The following NAALADL2 variants were observed in gnomAD, a reference collection of about 807,000 sequenced individuals.
NAALADL2 encodes N-acetylated alpha-linked acidic dipeptidase like 2.
A neutral mutation model predicts 87.2 loss-of-function variants in NAALADL2; 76 were observed. The ratio of observed to expected loss-of-function variants is 0.87; its 90% CI spans 0.72 to 1.05. The LOEUF (loss-of-function observed/expected upper bound fraction) is 1.05, where lower values mean the gene tolerates loss of function less well. Among genes scored for constraint, NAALADL2 ranks in the 50% least tolerant of loss-of-function variants. The pLI is 0.00. For synonymous variants in NAALADL2, 354 were observed against 331.0 expected (o/e 1.07, Z -0.75); for missense variants, 1,089 against 945.8 (o/e 1.15, Z -1.99).
At chr3:175,268,801 C>G (rs1242809097) in intron 4 of NAALADL2, among the ~76,000 whole-genome samples, 2 of 152,102 alleles carry the variant, frequency 1.3e-5, no homozygotes, top group Non-Finnish European at 2.9e-5. Flanking sequence ...TCACTGTCTT[C>G]CACCTCCATG....
intron 1 of NAALADL2, among the ~76,000 whole-genome samples, chr3:174,526,801 C>A (rs1242415412): frequency 6.6e-6 from 1 of 151,726 alleles, no homozygotes; most frequent in Non-Finnish European, 1.5e-5. Context: ...CTCAACCTCC[C>A]GAGTAACTGG....
At chr3:174,713,648 G>T (rs539843996) in intron 2 of NAALADL2, among the ~76,000 whole-genome samples, 1 of 152,118 alleles carries the variant, frequency 6.6e-6, no homozygotes, top group South Asian at 2.1e-4. Context: ...TTTTGATGGG[G>T]TTGTTTTTTT....
chr3:175,012,201 G>A (rs1253505320), intron 1 of NAALADL2, among the ~76,000 whole-genome samples: 8 of 152,142 alleles, frequency 5.3e-5, no homozygotes, highest in African/African-American at 1.2e-4. Context: ...ATTTGCTCCT[G>A]TTGCCCAAAC....
At chr3:175,343,655 G>GTTTTTTTTTTTTTTTTTT in intron 5 of NAALADL2, among the ~76,000 whole-genome samples, 812 of 64,614 alleles carry the variant, frequency 0.013, 148 homozygotes, top group Non-Finnish European at 0.021. Context: ...TCTTGATCAT[G>GTTTTTTTTTTTTTTTTTT]TTTTTTTTTT....
At chr3:174,520,651 G>T (rs1006551413) in intron 1 of NAALADL2, among the ~76,000 whole-genome samples, 2 of 152,074 alleles carry the variant, frequency 1.3e-5, no homozygotes, top group Non-Finnish European at 1.5e-5. Context: ...CCTAGGCAAA[G>T]AATTTATGAC....
chr3:175,432,332 A>G (rs1441200710), intron 5 of NAALADL2, among the ~76,000 whole-genome samples: 1 of 152,050 alleles, frequency 6.6e-6, no homozygotes, highest in Non-Finnish European at 1.5e-5. Context: ...ATTGTGAAAC[A>G]GAATTTTTCC....
At chr3:175,271,985 A>C (rs968904817) in intron 4 of NAALADL2, among the ~76,000 whole-genome samples, 1 of 152,140 alleles carries the variant, frequency 6.6e-6, no homozygotes, top group African/African-American at 2.4e-5. Flanking sequence ...TTCCTTTTAA[A>C]ATTAATTAGG....
chr3:174,509,073 A>G (rs1243415889), intron 1 of NAALADL2, among the ~76,000 whole-genome samples: 1 of 148,978 alleles, frequency 6.7e-6, no homozygotes, highest in Non-Finnish European at 1.5e-5. Context: ...CTGAAAATAT[A>G]TTTTTTTCCT....
chr3:175,304,616 GGT>G (rs1202778345), intron 4 of NAALADL2, among the ~76,000 whole-genome samples: 1 of 152,004 alleles, frequency 6.6e-6, no homozygotes, highest in Admixed American at 6.6e-5. Flanking sequence ...CAACTCGCAG[GGT>G]GTGCTCAGCA....
At chr3:174,589,857 G>GTT (rs57195579) in intron 2 of NAALADL2, among the ~76,000 whole-genome samples, 1 of 136,422 alleles carries the variant, frequency 7.3e-6, no homozygotes, top group African/African-American at 2.7e-5. Context: ...TTGTTGCTGT[G>GTT]TTTTTTTTTT....
chr3:174,794,796 C>G (rs1717879139), intron 3 of NAALADL2, among the ~76,000 whole-genome samples: 1 of 151,906 alleles, frequency 6.6e-6, no homozygotes, highest in African/African-American at 2.4e-5. Context: ...TAAGATATTG[C>G]TGATCCTTTA....
intron 2 of NAALADL2, among the ~76,000 whole-genome samples, chr3:174,714,475 A>C (rs533211088): frequency 1.5e-4 from 23 of 152,106 alleles, no homozygotes; most frequent in African/African-American, 3.6e-4. Flanking sequence ...CTTTTATTTC[A>C]TTGAGCAGTG....
chr3:175,625,083 G>T (rs1419492454), intron 10 of NAALADL2, among the ~76,000 whole-genome samples: 1 of 151,972 alleles, frequency 6.6e-6, no homozygotes, highest in Non-Finnish European at 1.5e-5. Flanking sequence ...AATCAACCTA[G>T]ATAGAAGTAC....
At chr3:175,569,290 A>T (rs772434539) in intron 9 of NAALADL2, among the ~76,000 whole-genome samples, 9 of 152,244 alleles carry the variant, frequency 5.9e-5, no homozygotes, top group Non-Finnish European at 1.0e-4. Flanking sequence ...CCAGCTAATC[A>T]AATAACACAA....
At chr3:175,343,389 T>C (rs1762765189) in intron 5 of NAALADL2, among the ~76,000 whole-genome samples, 1 of 152,106 alleles carries the variant, frequency 6.6e-6, no homozygotes, top group Non-Finnish European at 1.5e-5. Flanking sequence ...TTATTTTTCT[T>C]AACAAATTAT....
At chr3:174,739,808 G>T (rs1173599501) in intron 3 of NAALADL2, among the ~76,000 whole-genome samples, 1 of 151,968 alleles carries the variant, frequency 6.6e-6, no homozygotes, top group East Asian at 1.9e-4. Flanking sequence ...ATCAGAAGTG[G>T]TTACATCTAT....
intron 1 of NAALADL2, among the ~76,000 whole-genome samples, chr3:174,530,460 A>G (rs1048410540): frequency 1.3e-5 from 2 of 152,070 alleles, no homozygotes; most frequent in African/African-American, 4.8e-5. Context: ...ACATTTTCGG[A>G]TATCTTTTCA....
At chr3:175,146,694 A>G (rs985542862) in intron 2 of NAALADL2, among the ~76,000 whole-genome samples, 2 of 152,176 alleles carry the variant, frequency 1.3e-5, no homozygotes, top group African/African-American at 2.4e-5. Context: ...TTACTTCGTG[A>G]TGCGTATATG....
intron 3 of NAALADL2, among the ~76,000 whole-genome samples, chr3:174,740,211 A>G (rs115747332): frequency 0.014 from 2,094 of 152,062 alleles, 10 homozygotes; most frequent in Middle Eastern, 0.02. Flanking sequence ...GAATTAAGGA[A>G]TGCCTCACCC....
Sources: gnomAD v4.1 joint callset for allele counts (sites outside exome capture counted in the v4.1 genomes callset) on GRCh38, gnomAD v4.1.1 for gene constraint, MANE v1.5 for transcripts, NCBI Gene and HGNC (gene_info 2026-07-23, HGNC 2026-07-21) for gene names.